Variants in ARHGAP27 observed in about 807,000 individuals in gnomAD.
ARHGAP27 encodes rho GTPase-activating protein 27.
In ARHGAP27, 53 loss-of-function variants were observed where a neutral mutation model predicts 102.0. The ratio of observed to expected loss-of-function variants is 0.52; its 90% confidence interval spans 0.42 to 0.65. The LOEUF (loss-of-function observed/expected upper bound fraction) is 0.65, where lower values mean the gene tolerates loss of function less well. Ranked by LOEUF, ARHGAP27 falls within the 30% of genes least tolerant of loss-of-function variation. The probability of loss-of-function intolerance (pLI) is 0.00; values close to 1 mark genes in which losing one functional copy is unlikely to be tolerated. For synonymous variants in ARHGAP27, 525 were observed against 542.8 expected, an observed-to-expected ratio of 0.97 and a Z score of 0.46; for missense variants, 1,117 against 1,256.2, an observed-to-expected ratio of 0.89 and a Z score of 1.68.
At chr17:45,406,313 G>A (rs1395340101) in intron 4 of ARHGAP27, among the ~76,000 whole-genome samples, 2 of 152,214 alleles carry the variant, frequency 1.3e-5, no homozygotes, top group Non-Finnish European at 2.9e-5. Flanking sequence ...AAGGGGAAGT[G>A]CCTGTTAGAA....
rs1455210104 is a variant in ARHGAP27, at chr17:45,402,711, C to T, written c.1743+3G>A. 5.6e-6 allele frequency: 9 copies of T among 1,608,656 alleles called. No individual in the cohort carries two copies. The highest frequency in any genetic ancestry group is 1.3e-5 in the African/African-American group (1 of 74,764). ...CCTCCTTCTCCCCAACCCCGCCACT[C>T]ACCTCCAGCACATTCTTCCTACTGG... On this transcript the variant is annotated splice_donor_region_variant and intron_variant, in intron 12 of 19. Transcript: ENST00000685559.
intron 4 of ARHGAP27, chr17:45,425,483 T>C (rs556105229): frequency 9.5e-4 from 868 of 918,492 alleles, no homozygotes; most frequent in Non-Finnish European, 1.1e-3. Context: ...CCCAGATGGG[T>C]TTTAGGATTC....
intron 4 of ARHGAP27, chr17:45,410,051 G>T: frequency 2.7e-6 from 2 of 730,098 alleles, no homozygotes; most frequent in South Asian, 3.8e-5. Context: ...TGGCAGCCCT[G>T]CCACTCTTGC....
rs757675228 is a variant in ARHGAP27 at position 45,395,432 on chromosome 17, G to A, written c.*24C>T. ...CAGCTTGTGTGGCAGGACCGCGGCC[G>A]CCGCCCCAGTCACAGGCCAGCAGTC... On this transcript the variant is annotated 3_prime_UTR_variant, in exon 20 of 20. Coordinates refer to ENST00000685559, the MANE Select transcript of ARHGAP27 (RefSeq NM_001282290.2). 6.5e-7 allele frequency: 1 copy of A among 1,539,600 alleles called. No homozygotes were observed. The highest frequency in any genetic ancestry group is 8.8e-7 in the Non-Finnish European group (1 of 1,139,408).
intron 5 of ARHGAP27, among the ~76,000 whole-genome samples, 198 bp downstream of exon 5, chr17:45,405,478 C>A (rs988445904): frequency 1.1e-4 from 17 of 150,252 alleles, no homozygotes; most frequent in Non-Finnish European, 2.2e-4. Flanking sequence ...TCAGAGGTAG[C>A]CCCGCCCACT....
chr17:45,419,532 A>G (rs374575047), intron 4 of ARHGAP27, among the ~76,000 whole-genome samples: 15,176 of 81,474 alleles, frequency 0.19, 1,145 homozygotes, highest in Non-Finnish European at 0.27. Flanking sequence ...ATATATATAT[A>G]TATATATATA....
chr17:45,403,326 G>A (rs529179653), intron 11 of ARHGAP27, among the ~76,000 whole-genome samples: 1 of 152,300 alleles, frequency 6.6e-6, no homozygotes, highest in South Asian at 2.1e-4. Flanking sequence ...TGAGGAGGTC[G>A]AGGTGGGCGG....
Position 45,430,719 on chromosome 17 carries a change from G to A in ARHGAP27, c.-18-422C>T, listed in dbSNP as rs1450314691. On this transcript the variant is annotated intron_variant, in intron 3 of 19. Coordinates refer to ENST00000685559, the MANE Select transcript of ARHGAP27 (RefSeq NM_001282290.2). This position sits in a 1 kb window ranked among gnomAD's most constrained non-coding sequence, Gnocchi z 4.4. ...AAGTAGGAAGAACACCCCATTTACT[G>A]CCGCTCCCCGGCTCTGTCCCGCCTG... Among the ~76,000 whole-genome samples, 3 of 152,170 alleles carry A rather than the reference G, an allele frequency of 2.0e-5. No individual in the cohort carries two copies. Among genetic ancestry groups the A allele is most frequent in the African/African-American group, 7.2e-5 (3 of 41,420 alleles).
At chr17:45,410,128 C>T (rs2047727440) in intron 4 of ARHGAP27, 1 of 1,354,166 alleles carries the variant, frequency 7.4e-7, no homozygotes, top group Non-Finnish European at 9.9e-7. Context: ...AGTATGAGCC[C>T]CAACTTCCAA....
Position 45,395,814 on chromosome 17 carries a change from G to T in ARHGAP27, c.2422C>A (p.Arg808Ser). ...QDQARRSRCV[R>S]DLVRSLPAPN... The stretch of plus-strand genomic sequence containing the variant: ...GCGGGCAGCGAGCGCACCAAGTCAC[G>T]CACACAGCGGCTGCGCCGGGCCTGG... Residue 808 changes from arginine (R) to serine (S), a missense_variant, in exon 19 of 20, where the codon CGT becomes AGT. By Grantham distance (110) the Arg-to-Ser change is moderately radical. This residue lies in a region of ARHGAP27 where 493 missense variants were observed against 505.5 expected (regional missense o/e 0.98). Transcript: ENST00000685559. 2 of 1,604,414 alleles carry T rather than the reference G, an allele frequency of 1.2e-6. No individual in the cohort carries two copies. The highest frequency in any genetic ancestry group is 1.7e-6 in the Non-Finnish European group (2 of 1,176,588).
chr17:45,422,108 G>C (rs1277714431), intron 4 of ARHGAP27, among the ~76,000 whole-genome samples: 2 of 152,206 alleles, frequency 1.3e-5, no homozygotes, highest in African/African-American at 4.8e-5. Context: ...GGAGGTTGCA[G>C]TGAGCCAAGA....
chr17:45,396,418 C>A (rs999470353), intron 16 of ARHGAP27, 69 bp downstream of exon 16: 4 of 1,470,342 alleles, frequency 2.7e-6, no homozygotes, highest in Non-Finnish European at 9.0e-7. Context: ...GGGTCTCCAG[C>A]CTGCGGTCCT....
At position 45,404,589 on chromosome 17, in the gene ARHGAP27, C is replaced by T. The variant is rs374641465; in HGVS notation, c.1329+12G>A. The stretch of plus-strand genomic sequence containing the variant: ...CTCTCTCCCCAACACCCCCCTTTCC[C>T]CAGGTTGTTACCTGGGGCAGCTCCC... On this transcript the variant is annotated intron_variant, in intron 7 of 19. Transcript: ENST00000685559. 1.2e-6 allele frequency: 2 copies of T among 1,613,924 alleles called. No homozygotes were observed. The highest frequency in any genetic ancestry group is 1.7e-6 in the Non-Finnish European group (2 of 1,179,940).
Position 45,404,622 on chromosome 17 carries a change from AGAG to A in ARHGAP27, c.1305_1307del (p.Ser436del). 6.2e-7 allele frequency: 1 copy of A among 1,613,904 alleles called. No homozygotes were observed. The highest frequency in any genetic ancestry group is 8.5e-7 in the Non-Finnish European group (1 of 1,179,928). On this transcript the variant is annotated inframe_deletion, in exon 7 of 20. Coordinates refer to ENST00000685559, the MANE Select transcript of ARHGAP27 (RefSeq NM_001282290.2). ...TTACCTGGGGCAGCTCCCATCGAAC[AGAG>A]GAGTCCTCTGGATTGTAGAAGTATG... is the stretch of plus-strand genomic sequence containing the variant.
At chr17:45,422,311 A>C (rs1418228335) in intron 4 of ARHGAP27, among the ~76,000 whole-genome samples, 1 of 151,570 alleles carries the variant, frequency 6.6e-6, no homozygotes, top group Non-Finnish European at 1.5e-5. Context: ...CACGTTCTCA[A>C]GGTGCTGAGG....
At chr17:45,432,044 G>A (rs1021689476) in intron 2 of ARHGAP27, among the ~76,000 whole-genome samples, 172 bp downstream of exon 2, 1 of 126,846 alleles carries the variant, frequency 7.9e-6, no homozygotes, top group Admixed American at 1.1e-4. Context: ...TTTGCTGTCC[G>A]GGAGTGCCTG....
chr17:45,404,614 C>CATCG lies in ARHGAP27; in HGVS notation c.1312_1315dup (p.Trp439SerfsTer17). 6.2e-7 allele frequency: 1 copy of CATCG among 1,614,052 alleles called. No individual in the cohort carries two copies. Among genetic ancestry groups the CATCG allele is most frequent in the Non-Finnish European group, 8.5e-7 (1 of 1,179,968 alleles). Reference sequence around the variant, plus strand: ...CCAGGTTGTTACCTGGGGCAGCTCCCATCGAACAGAGGAGTCCTCTGGATT... The same window carrying CATCG: ...CCAGGTTGTTACCTGGGGCAGCTCCCATCGATCGAACAGAGGAGTCCTCTGGATT... On this transcript the variant is annotated frameshift_variant, in exon 7 of 20. Transcript: ENST00000685559. LOFTEE classifies it high-confidence loss of function.
At chr17:45,429,135 G>A (rs2049854150) in intron 4 of ARHGAP27, among the ~76,000 whole-genome samples, 1 of 152,220 alleles carries the variant, frequency 6.6e-6, no homozygotes. Context: ...TTGGGCCGGG[G>A]CAGGCCCGCA....
intron 10 of ARHGAP27, 145 bp downstream of exon 10, chr17:45,403,884 T>G: frequency 9.4e-7 from 1 of 1,062,878 alleles, no homozygotes; most frequent in Non-Finnish European, 1.4e-6. Flanking sequence ...GCAAGTCACT[T>G]TATCTCACAG....
Sources: allele counts gnomAD v4.1 joint callset (sites outside exome capture counted in the v4.1 genomes callset), GRCh38; gene constraint gnomAD v4.1.1; regional missense constraint gnomAD v4.1.1; non-coding constraint Gnocchi (gnomAD v3.1); transcripts MANE v1.5; gene names NCBI Gene and HGNC (gene_info 2026-07-23, HGNC 2026-07-21).